Variants in GAP43 observed in about 807,000 individuals in gnomAD.
GAP43 encodes the protein growth associated protein 43.
In GAP43, 6 loss-of-function variants were observed where a neutral mutation model predicts 18.6. That is an observed-to-expected ratio of 0.32 (90% CI 0.18 to 0.64). The LOEUF (loss-of-function observed/expected upper bound fraction) is 0.64, where lower values mean the gene tolerates loss of function less well. GAP43 is among the 30% of genes least tolerant of loss of function. The probability of loss-of-function intolerance (pLI) is 0.78; values close to 1 mark genes in which losing one functional copy is unlikely to be tolerated. For missense variants in GAP43, 292 were observed against 295.5 expected, an observed-to-expected ratio of 0.99 and a Z score of 0.09; for synonymous variants, 115 against 111.4, an observed-to-expected ratio of 1.03 and a Z score of -0.20.
chr3:115,716,046 C>G (rs1016123992), intron 2 of GAP43, among the ~76,000 whole-genome samples: 39 of 152,198 alleles, frequency 2.6e-4, no homozygotes, highest in Non-Finnish European at 1.3e-4. Flanking sequence ...TCGCACTGTT[C>G]TGAGCACATA....
At chr3:115,707,209 C>T (rs1177426409) in intron 2 of GAP43, among the ~76,000 whole-genome samples, 1 of 152,016 alleles carries the variant, frequency 6.6e-6, no homozygotes, top group Non-Finnish European at 1.5e-5. Flanking sequence ...GAGGTGGGTA[C>T]CAATATTATG....
chr3:115,669,083 C>T (rs1406769366), intron 1 of GAP43, among the ~76,000 whole-genome samples: 1 of 151,220 alleles, frequency 6.6e-6, no homozygotes, highest in Admixed American at 6.6e-5. Flanking sequence ...CACACACACA[C>T]ACACACACAG....
chr3:115,635,036 G>T (rs1328849239), intron 1 of GAP43, among the ~76,000 whole-genome samples: 1 of 152,072 alleles, frequency 6.6e-6, no homozygotes, highest in African/African-American at 2.4e-5. Context: ...GAATGATATT[G>T]TCTTACTTAA....
chr3:115,688,553 C>T (rs980566082), intron 2 of GAP43, among the ~76,000 whole-genome samples: 4 of 152,290 alleles, frequency 2.6e-5, no homozygotes, highest in East Asian at 3.9e-4. Flanking sequence ...AAAAATCTGT[C>T]GCCTTTCTTT....
intron 2 of GAP43, among the ~76,000 whole-genome samples, chr3:115,700,140 T>C (rs1576999443): frequency 6.6e-6 from 1 of 152,202 alleles, no homozygotes; most frequent in African/African-American, 2.4e-5. Flanking sequence ...GTTCTGTTAA[T>C]ATAAACAACT....
intron 2 of GAP43, among the ~76,000 whole-genome samples, chr3:115,686,238 C>G (rs1345409018): frequency 6.6e-6 from 1 of 152,160 alleles, no homozygotes; most frequent in African/African-American, 2.4e-5. Flanking sequence ...TAGTAATTAT[C>G]AACTTCCAAA....
chr3:115,669,997 AT>A (rs200282076), intron 1 of GAP43, among the ~76,000 whole-genome samples: 2,721 of 123,490 alleles, frequency 0.022, 47 homozygotes, highest in Middle Eastern at 0.1. Context: ...TTTTTTTTTA[AT>A]TTTTTTTTTT....
chr3:115,687,174 T>C (rs780090104), intron 2 of GAP43, among the ~76,000 whole-genome samples: 11 of 151,282 alleles, frequency 7.3e-5, no homozygotes, highest in Non-Finnish European at 1.5e-4. Context: ...AGCCTTGAAG[T>C]ACAGTTTGAA....
At chr3:115,669,822 A>G (rs1447138554) in intron 1 of GAP43, among the ~76,000 whole-genome samples, 1 of 151,848 alleles carries the variant, frequency 6.6e-6, no homozygotes, top group Non-Finnish European at 1.5e-5. Flanking sequence ...TTCCAATATG[A>G]GATATTTTGT....
chr3:115,694,084 A>G (rs1375831923), intron 2 of GAP43, among the ~76,000 whole-genome samples: 4 of 152,184 alleles, frequency 2.6e-5, no homozygotes, highest in African/African-American at 9.7e-5. Context: ...GTGGTGAGAC[A>G]GCAGCCATTT....
At chr3:115,690,605 T>C (rs1709096486) in intron 2 of GAP43, among the ~76,000 whole-genome samples, 1 of 152,096 alleles carries the variant, frequency 6.6e-6, no homozygotes, top group African/African-American at 2.4e-5. Flanking sequence ...GGTAACATAT[T>C]TAAAGAACCA....
intron 1 of GAP43, among the ~76,000 whole-genome samples, chr3:115,666,351 A>G (rs939250003): frequency 1.2e-4 from 19 of 152,184 alleles, no homozygotes; most frequent in African/African-American, 4.6e-4. Flanking sequence ...TCGAGTTAAG[A>G]AATAGCTTTT....
At chr3:115,683,922 C>A (rs892969295) in intron 2 of GAP43, among the ~76,000 whole-genome samples, 3 of 152,036 alleles carry the variant, frequency 2.0e-5, no homozygotes, top group Admixed American at 6.5e-5. Flanking sequence ...GGCTATTGAA[C>A]GTCCCGAGAA....
At chr3:115,699,863 T>G (rs1376583308) in intron 2 of GAP43, among the ~76,000 whole-genome samples, 1 of 152,190 alleles carries the variant, frequency 6.6e-6, no homozygotes, top group Non-Finnish European at 1.5e-5. Flanking sequence ...CTTGAGCTGA[T>G]GGCACTGGGT....
At chr3:115,636,237 C>T (rs908268546) in intron 1 of GAP43, among the ~76,000 whole-genome samples, 3 of 152,066 alleles carry the variant, frequency 2.0e-5, no homozygotes, top group Admixed American at 6.6e-5. Context: ...TTTCTACTCC[C>T]CTACTCTTAA....
intron 1 of GAP43, among the ~76,000 whole-genome samples, chr3:115,670,785 T>C (rs1708807378): frequency 6.6e-6 from 1 of 152,218 alleles, no homozygotes. Context: ...CTGTAGAAGA[T>C]TCTGATAGGC....
chr3:115,641,499 C>CAT (rs1420505420), intron 1 of GAP43, among the ~76,000 whole-genome samples: 2 of 119,490 alleles, frequency 1.7e-5, no homozygotes, highest in South Asian at 3.1e-4. Context: ...ATATATTATA[C>CAT]ATATATATAT....
At position 115,623,689 on chromosome 3, in the gene GAP43, C is replaced by A; in HGVS notation, c.-1C>A. 2 of 1,614,118 alleles carry A rather than the reference C, an allele frequency of 1.2e-6. No homozygotes were observed. Among genetic ancestry groups the A allele is most frequent in the South Asian group, 1.1e-5 (1 of 91,084 alleles). On this transcript the variant is annotated 5_prime_UTR_variant, in exon 1 of 3. Transcript: ENST00000305124. ...GGAAGAAGGCAAGGGACGAGACAAC[C>A]ATGCTGTGCTGTATGAGAAGAACCA...
chr3:115,654,859 C>T (rs367680688), intron 1 of GAP43, among the ~76,000 whole-genome samples: 71 of 152,214 alleles, frequency 4.7e-4, no homozygotes, highest in Middle Eastern at 3.4e-3. Flanking sequence ...GCAGCTGTAA[C>T]ATTCTGTGCA....
Sources: gnomAD v4.1 joint callset for allele counts (sites outside exome capture counted in the v4.1 genomes callset) on GRCh38, gnomAD v4.1.1 for gene constraint, MANE v1.5 for transcripts, NCBI Gene and HGNC (gene_info 2026-07-23, HGNC 2026-07-21) for gene names.